The following VPS13C variants were observed in gnomAD, a reference collection of about 807,000 sequenced individuals.
The protein encoded by VPS13C is intermembrane lipid transfer protein VPS13C.
A neutral mutation model predicts 456.8 loss-of-function variants in VPS13C; 358 were observed. The ratio of observed to expected loss-of-function variants is 0.78; its 90% confidence interval spans 0.72 to 0.86. VPS13C has a LOEUF of 0.86. VPS13C is among the 40% of genes least tolerant of loss of function. VPS13C has a pLI of 0.00. For synonymous variants in VPS13C, 1,578 were observed against 1,486.7 expected, an observed-to-expected ratio of 1.06 and a Z score of -1.41; for missense variants, 4,818 against 4,385.4, an observed-to-expected ratio of 1.10 and a Z score of -2.79.
At chr15:62,049,714 T>C (rs930164426) in intron 1 of VPS13C, among the ~76,000 whole-genome samples, 1 of 152,314 alleles carries the variant, frequency 6.6e-6, no homozygotes, top group East Asian at 1.9e-4. Context: ...TTTCACAATA[T>C]TGATTCTTCC....
rs750981594 is a variant in VPS13C, at chr15:62,008,658, C to A, written c.1115G>T (p.Arg372Leu). ...PYLPLHTNGR[R>L]WWKYAIDSVL... Reference sequence around the variant, plus strand: ...CAAAAAACAAATTCTAACTTACCATCGTCGACCATTGGTATGAAGTGGTAA... The same window carrying A: ...CAAAAAACAAATTCTAACTTACCATAGTCGACCATTGGTATGAAGTGGTAA... The change falls in exon 14 of 85, where the codon CGA becomes CTA. Residue 372 changes from arginine (R) to leucine (L), a missense_variant. By Grantham distance (102) the Arg-to-Leu change is moderately radical. Coordinates refer to ENST00000644861, the MANE Select transcript of VPS13C (RefSeq NM_020821.3). The A allele has an allele frequency of 1.3e-6, 2 of 1,594,144 alleles. No individual in the cohort carries two copies. Among genetic ancestry groups the A allele is most frequent in the Non-Finnish European group, 8.5e-7 (1 of 1,169,688 alleles).
intron 53 of VPS13C, among the ~76,000 whole-genome samples, chr15:61,924,037 T>C (rs1214645498): frequency 6.6e-6 from 1 of 150,996 alleles, no homozygotes; most frequent in Non-Finnish European, 1.5e-5. Flanking sequence ...GGCTAATTTT[T>C]TGTATTTTTT....
In VPS13C at chr15:62,017,647, C is replaced by T. The variant is rs528102229; in HGVS notation, c.684+2832G>A. 9.7e-4 allele frequency among the ~76,000 whole-genome samples: 148 copies of T among 152,222 alleles called. 1 individual carries two copies. Among genetic ancestry groups the T allele is most frequent in the African/African-American group, 3.5e-3 (145 of 41,542 alleles). On this transcript the variant is annotated intron_variant, in intron 9 of 84. Transcript: ENST00000644861. ...TCTGTTCTGTTTCATTGGTCTGTAT[C>T]TCTGTTTTGGTACCAGTACCATGCT...
At chr15:62,036,160 A>C (rs183385245) in intron 3 of VPS13C, among the ~76,000 whole-genome samples, 9 of 152,168 alleles carry the variant, frequency 5.9e-5, no homozygotes, top group Non-Finnish European at 8.8e-5. Flanking sequence ...TTTAAAATCT[A>C]TAGGTCTCTC....
chr15:61,994,791 T>C (rs1443633390), intron 16 of VPS13C, among the ~76,000 whole-genome samples: 1 of 152,144 alleles, frequency 6.6e-6, no homozygotes, highest in Admixed American at 6.5e-5. Flanking sequence ...GGTTTCACTA[T>C]GTTGGCCAGG....
chr15:61,854,871 C>T lies in VPS13C; in HGVS notation c.11160G>A (p.Glu3720=). ...KVYLKDTATA[E]RACNAIEDAQ... is the part of the protein sequence containing the mutation. Reference sequence around the variant, plus strand: ...GAGGCATGCTCTTTAAATTGTTTACCTCTGCTGTGGCGGTGTCCTTCAGGT... The same window carrying T: ...GAGGCATGCTCTTTAAATTGTTTACTTCTGCTGTGGCGGTGTCCTTCAGGT... The change falls in exon 84 of 85, where the codon GAG becomes GAA. Residue 3720 remains glutamate, a splice_region_variant and synonymous_variant. Coordinates refer to ENST00000644861, the MANE Select transcript of VPS13C (RefSeq NM_020821.3). 1.9e-6 allele frequency: 3 copies of T among 1,603,050 alleles called. No homozygotes were observed. The highest frequency in any genetic ancestry group is 2.5e-6 in the Non-Finnish European group (3 of 1,177,290).
At chr15:62,060,204 A>G (rs2048953241) in intron 1 of VPS13C, 71 bp downstream of exon 1, 1 of 850,200 alleles carries the variant, frequency 1.2e-6, no homozygotes, top group African/African-American at 1.8e-5. Flanking sequence ...GCCCGGGCAG[A>G]ATCCCGGACG....
intron 74 of VPS13C, among the ~76,000 whole-genome samples, chr15:61,877,549 C>T (rs1458559763): frequency 2.6e-5 from 4 of 150,998 alleles, no homozygotes; most frequent in Non-Finnish European, 4.4e-5. Flanking sequence ...ATTAATGATG[C>T]CATGCGTATG....
intron 3 of VPS13C, among the ~76,000 whole-genome samples, chr15:62,040,771 A>G (rs2048215485): frequency 6.6e-6 from 1 of 152,206 alleles, no homozygotes; most frequent in African/African-American, 2.4e-5. Flanking sequence ...ACTAGATGGG[A>G]AGACTTTGTA....
intron 82 of VPS13C, 86 bp from the exon 83 acceptor site, chr15:61,856,495 G>T: frequency 1.3e-6 from 2 of 1,492,882 alleles, no homozygotes; most frequent in Non-Finnish European, 9.1e-7. Flanking sequence ...GGATGGCAGA[G>T]GTAGCACTTG....
chr15:61,927,364 C>G, intron 51 of VPS13C, 44 bp from the exon 52 acceptor site: 6 of 1,508,738 alleles, frequency 4.0e-6, no homozygotes, highest in Non-Finnish European at 5.5e-6. Flanking sequence ...TAAGGTAAGT[C>G]TTTTCATTTG....
intron 67 of VPS13C, among the ~76,000 whole-genome samples, chr15:61,887,816 A>C (rs1274696647): frequency 1.3e-4 from 20 of 152,214 alleles, no homozygotes; most frequent in Non-Finnish European, 2.9e-5. Context: ...CTTATATACA[A>C]CACCAAAAGT....
At chr15:62,044,747 T>C (rs541833576) in intron 1 of VPS13C, among the ~76,000 whole-genome samples, 2 of 152,168 alleles carry the variant, frequency 1.3e-5, no homozygotes, top group Non-Finnish European at 2.9e-5. Flanking sequence ...GCTTCTAATA[T>C]TCTTTAATCA....
intron 30 of VPS13C, among the ~76,000 whole-genome samples, chr15:61,965,800 C>T (rs996873117): frequency 2.0e-5 from 3 of 151,738 alleles, no homozygotes; most frequent in African/African-American, 7.3e-5. Flanking sequence ...GTTTAGAAAC[C>T]TTTTAGTTCT....
chr15:61,962,630 T>TA (rs1381642901), intron 33 of VPS13C, 92 bp from the exon 34 acceptor site: 5 of 1,363,030 alleles, frequency 3.7e-6, no homozygotes, highest in South Asian at 3.6e-5. Flanking sequence ...ATAATCTTTA[T>TA]AAAAAAATTT....
intron 26 of VPS13C, among the ~76,000 whole-genome samples, chr15:61,973,094 C>T (rs2045603565): frequency 6.6e-6 from 1 of 152,128 alleles, no homozygotes; most frequent in African/African-American, 2.4e-5. Flanking sequence ...AGAATGACCA[C>T]GATAGACATG....
At position 61,858,193 on chromosome 15, in the gene VPS13C, A is replaced by T. The variant is rs1894025271; in HGVS notation, c.10953-1784T>A. 6.6e-6 allele frequency among the ~76,000 whole-genome samples: 1 copy of T among 151,978 alleles called. No individual in the cohort carries two copies. Among genetic ancestry groups the T allele is most frequent in the Non-Finnish European group, 1.5e-5 (1 of 67,988 alleles). ...ATACTACCGTTCTCCTTCCACCTAG[A>T]ATGTCTCCTTCATTTTCTTCCTCTT... On this transcript the variant is annotated intron_variant, in intron 82 of 84. Coordinates refer to ENST00000644861, the MANE Select transcript of VPS13C (RefSeq NM_020821.3). The surrounding 1 kb of genome is among the most constrained non-coding windows in gnomAD (Gnocchi z 4.4).
At chr15:61,950,836 T>A in intron 40 of VPS13C, 109 bp downstream of exon 40, 2 of 745,670 alleles carry the variant, frequency 2.7e-6, no homozygotes, top group East Asian at 2.9e-5. Flanking sequence ...CCATAATCAA[T>A]AAGTTTAGGT....
intron 1 of VPS13C, among the ~76,000 whole-genome samples, chr15:62,059,088 A>G (rs2048901063): frequency 1.3e-5 from 2 of 152,256 alleles, no homozygotes; most frequent in South Asian, 4.1e-4. Context: ...ATACACTTTA[A>G]TATTATATTT....
Sources: allele counts gnomAD v4.1 joint callset (sites outside exome capture counted in the v4.1 genomes callset), GRCh38; gene constraint gnomAD v4.1.1; non-coding constraint Gnocchi (gnomAD v3.1); transcripts MANE v1.5; gene names NCBI Gene and HGNC (gene_info 2026-07-23, HGNC 2026-07-21).